STARD13: variants seen among roughly 807,000 people sequenced by gnomAD.
The protein encoded by STARD13 is stAR-related lipid transfer protein 13.
In STARD13, 62 loss-of-function variants were observed where a neutral mutation model predicts 106.4. That is an observed-to-expected ratio of 0.58 (90% confidence interval 0.48 to 0.72). The LOEUF (loss-of-function observed/expected upper bound fraction) is 0.72, where lower values mean the gene tolerates loss of function less well. Ranked by LOEUF, STARD13 falls within the 30% of genes least tolerant of loss-of-function variation. The probability of loss-of-function intolerance (pLI) is 0.00; values close to 1 mark genes in which losing one functional copy is unlikely to be tolerated. For synonymous variants in STARD13, 565 were observed against 553.0 expected (o/e 1.02, Z -0.31); for missense variants, 1,387 against 1,424.0 (o/e 0.97, Z 0.42).
At chr13:33,523,641 G>GA in the STARD13 span, among the ~76,000 whole-genome samples, 2 of 152,162 alleles carry the variant, frequency 1.3e-5, no homozygotes, top group East Asian at 1.9e-4. Context: ...TAAATATAAT[G>GA]AAAAGTTGTA....
At chr13:33,371,966 C>T in the STARD13 span, among the ~76,000 whole-genome samples, 2 of 152,156 alleles carry the variant, frequency 1.3e-5, no homozygotes, top group Non-Finnish European at 2.9e-5. Context: ...GCCACATTTT[C>T]GACTTACCAA....
intron 1 of STARD13, among the ~76,000 whole-genome samples, chr13:33,282,610 C>T (rs1891846890): frequency 6.6e-6 from 1 of 152,146 alleles, no homozygotes; most frequent in African/African-American, 2.4e-5. Context: ...AATCTTAAAG[C>T]TCTAAAGTAG....
At chr13:33,459,301 C>T in the STARD13 span, among the ~76,000 whole-genome samples, 5 of 152,116 alleles carry the variant, frequency 3.3e-5, no homozygotes, top group Non-Finnish European at 7.3e-5. Context: ...TGCCTTCTCT[C>T]GCTATAGATC....
At chr13:33,427,507 A>T in the STARD13 span, among the ~76,000 whole-genome samples, 1 of 152,232 alleles carries the variant, frequency 6.6e-6, no homozygotes, top group Non-Finnish European at 1.5e-5. Flanking sequence ...GAGCCATGCC[A>T]TAAAGATATT....
At chr13:33,614,270 CGT>C in the STARD13 span, among the ~76,000 whole-genome samples, 7 of 145,250 alleles carry the variant, frequency 4.8e-5, no homozygotes, top group South Asian at 2.3e-4. Context: ...ATACATTCTC[CGT>C]GTGTGTGTGT....
intron 1 of STARD13, among the ~76,000 whole-genome samples, chr13:33,342,530 TTTG>T (rs2077972039): frequency 1.3e-5 from 2 of 151,310 alleles, no homozygotes; most frequent in African/African-American, 4.9e-5. Flanking sequence ...TTTTTTATAG[TTTG>T]TTTTTTTTTT....
At chr13:33,295,998 G>C (rs1015296675) in intron 1 of STARD13, among the ~76,000 whole-genome samples, 3 of 151,900 alleles carry the variant, frequency 2.0e-5, no homozygotes, top group Non-Finnish European at 4.4e-5. Flanking sequence ...GATCACCTGA[G>C]GTCAGGTAGG....
the STARD13 span, among the ~76,000 whole-genome samples, chr13:33,516,124 C>A: frequency 6.8e-6 from 1 of 147,898 alleles, no homozygotes; most frequent in Non-Finnish European, 1.5e-5. Context: ...ATATATAACA[C>A]TCTCAGAAGT....
At chr13:33,187,183 G>C (rs1214087500) in intron 1 of STARD13, among the ~76,000 whole-genome samples, 1 of 152,202 alleles carries the variant, frequency 6.6e-6, no homozygotes, top group East Asian at 1.9e-4. Flanking sequence ...TGACCTGGGG[G>C]ATGTGAAGAG....
At chr13:33,672,454 C>T in the STARD13 span, among the ~76,000 whole-genome samples, 17 of 152,142 alleles carry the variant, frequency 1.1e-4, no homozygotes, top group Admixed American at 1.0e-3. Flanking sequence ...ACAGGTGCAG[C>T]AAACCACCAT....
the STARD13 span, among the ~76,000 whole-genome samples, chr13:33,493,605 C>T: frequency 2.3e-4 from 35 of 152,088 alleles, no homozygotes; most frequent in South Asian, 4.6e-3. Flanking sequence ...TGTGGGGGTG[C>T]GCAGTATTTG....
chr13:33,666,231 T>G, the STARD13 span, among the ~76,000 whole-genome samples: 984 of 152,330 alleles, frequency 6.5e-3, 5 homozygotes, highest in Non-Finnish European at 9.3e-3. Context: ...TTAATGTTAC[T>G]AATACATTGA....
the STARD13 span, among the ~76,000 whole-genome samples, chr13:33,650,330 A>G: frequency 1.3e-5 from 2 of 148,352 alleles, no homozygotes; most frequent in South Asian, 4.2e-4. Context: ...AGCTGGGACT[A>G]CAGGCGCCCG....
At chr13:33,492,207 G>C in the STARD13 span, among the ~76,000 whole-genome samples, 13 of 152,288 alleles carry the variant, frequency 8.5e-5, no homozygotes, top group South Asian at 2.7e-3. Flanking sequence ...GGATGTATAT[G>C]TGCAGGTCAC....
intron 1 of STARD13, among the ~76,000 whole-genome samples, chr13:33,300,463 A>T (rs1005041282): frequency 6.6e-6 from 1 of 152,206 alleles, no homozygotes; most frequent in Non-Finnish European, 1.5e-5. Context: ...TGAGTCTGTG[A>T]AATCGCCAAC....
At chr13:33,477,013 G>A in the STARD13 span, among the ~76,000 whole-genome samples, 4 of 152,176 alleles carry the variant, frequency 2.6e-5, no homozygotes, top group Non-Finnish European at 4.4e-5. Flanking sequence ...GTGGGCACAT[G>A]AGATTTTAAG....
At chr13:33,113,977 T>G (rs144418276) in intron 8 of STARD13, among the ~76,000 whole-genome samples, 1 of 152,112 alleles carries the variant, frequency 6.6e-6, no homozygotes, top group African/African-American at 2.4e-5. Flanking sequence ...AGCAGGGGCC[T>G]CCACACGAGG....
the STARD13 span, among the ~76,000 whole-genome samples, chr13:33,388,646 G>A: frequency 6.6e-6 from 1 of 152,166 alleles, no homozygotes; most frequent in African/African-American, 2.4e-5. Context: ...GCCCTGCATT[G>A]CTAATTCCCC....
intron 1 of STARD13, among the ~76,000 whole-genome samples, chr13:33,325,401 CAG>C: frequency 6.6e-6 from 1 of 152,192 alleles, no homozygotes; most frequent in East Asian, 1.9e-4. Flanking sequence ...ATTCTATACA[CAG>C]AGAGGAAAAA....
Sources: allele counts gnomAD v4.1 joint callset (sites outside exome capture counted in the v4.1 genomes callset), GRCh38; gene constraint gnomAD v4.1.1; transcripts MANE v1.5; gene names NCBI Gene and HGNC (gene_info 2026-07-23, HGNC 2026-07-21).